The following CD6 variants were observed in gnomAD, a reference collection of about 807,000 sequenced individuals.
CD6 encodes the protein T-cell differentiation antigen CD6.
In CD6, 53 loss-of-function variants were observed where a neutral mutation model predicts 75.3. That is an observed-to-expected ratio of 0.70 (90% CI 0.56 to 0.88). The LOEUF (loss-of-function observed/expected upper bound fraction) is 0.88. Ranked by LOEUF, CD6 falls within the 40% of genes least tolerant of loss-of-function variation. The pLI is 0.00. For synonymous variants in CD6, 359 were observed against 381.5 expected (o/e 0.94, Z 0.69); for missense variants, 770 against 897.1 (o/e 0.86, Z 1.81).
intron 1 of CD6, among the ~76,000 whole-genome samples, chr11:60,996,158 T>G (rs1307311722): frequency 6.6e-6 from 1 of 152,204 alleles, no homozygotes; most frequent in Non-Finnish European, 1.5e-5. Flanking sequence ...GTGCCTCAGT[T>G]TCCCCATCTC....
At chr11:60,988,407 G>A (rs1334537134) in intron 1 of CD6, among the ~76,000 whole-genome samples, 5 of 152,328 alleles carry the variant, frequency 3.3e-5, no homozygotes, top group African/African-American at 1.2e-4. Flanking sequence ...ACGCAAGGTG[G>A]CCACAAAGCA....
At chr11:61,011,490 G>C (rs75310003) in intron 6 of CD6, among the ~76,000 whole-genome samples, 2,137 of 152,258 alleles carry the variant, frequency 0.014, 20 homozygotes, top group Non-Finnish European at 0.024. Flanking sequence ...GGTGATCTTG[G>C]CCCAGCTGGG....
At chr11:60,999,445 G>A (rs972180322) in intron 1 of CD6, among the ~76,000 whole-genome samples, 24 of 151,102 alleles carry the variant, frequency 1.6e-4, no homozygotes, top group Admixed American at 1.5e-3. Flanking sequence ...GATTGTACTC[G>A]GGCTCTCTGT....
At position 61,018,387 on chromosome 11, in the gene CD6, T is replaced by C. The variant is rs112447242; in HGVS notation, c.1936T>C (p.Cys646Arg). The C allele has an allele frequency of 2.5e-6, 4 of 1,590,482 alleles. No individual in the cohort carries two copies. The highest frequency in any genetic ancestry group is 1.3e-5 in the African/African-American group (1 of 74,218). ...GCCCCCTTCGGAGGAGCAGTTTGGC[T>C]GTCCAGGTGCCAATATCTGGGGAAG... ...PQPPSEEQFG[C>R]PGSPSPQPDS... is the part of the protein sequence containing the mutation. The change falls in exon 12 of 13, where the codon TGT becomes CGT. Residue 646 changes from cysteine (C) to arginine (R), a missense_variant. Transcript: ENST00000313421.
chr11:61,019,901 C>A lies in CD6; in HGVS notation c.*583C>A. On this transcript the variant is annotated 3_prime_UTR_variant, in exon 13 of 13. Coordinates refer to ENST00000313421, the MANE Select transcript of CD6 (RefSeq NM_006725.5). Reference sequence around the variant, plus strand: ...AACTGCACTTGGGCAGGGAATATAGCCTTCCTGGGCACAACTAGCTGACAA... The same window carrying A: ...AACTGCACTTGGGCAGGGAATATAGACTTCCTGGGCACAACTAGCTGACAA... 1 of 372,584 alleles carries A rather than the reference C, an allele frequency of 2.7e-6. No individual in the cohort carries two copies. Among genetic ancestry groups the A allele is most frequent in the Non-Finnish European group, 4.8e-6 (1 of 210,246 alleles). 23.1% of individuals were successfully genotyped at this position (372,584 alleles called of 1,614,324 possible).
intron 6 of CD6, among the ~76,000 whole-genome samples, chr11:61,013,202 G>A (rs1859231587): frequency 6.6e-6 from 1 of 152,166 alleles, no homozygotes; most frequent in African/African-American, 2.4e-5. Flanking sequence ...TTCTATTTCA[G>A]GCAGTAATTC....
chr11:61,017,453 CT>C, intron 9 of CD6, 25 bp from the exon 10 acceptor site: 1 of 1,536,030 alleles, frequency 6.5e-7, no homozygotes, highest in South Asian at 1.2e-5. Flanking sequence ...GCCTTCACCC[CT>C]CCCCACCACC....
Position 61,007,530 on chromosome 11 carries a change from G to C in CD6, c.119-30G>C. ...GGCAACCCTCTGCCCAGGCCCCACC[G>C]GTCTCAGCTCTCTGGTCTGACACTT... is the stretch of plus-strand genomic sequence containing the variant. On this transcript the variant is annotated intron_variant, in intron 2 of 12. Coordinates refer to ENST00000313421, the MANE Select transcript of CD6 (RefSeq NM_006725.5). This position sits in a 1 kb window ranked among gnomAD's most constrained non-coding sequence, Gnocchi z 4.2. 7.0e-7 allele frequency: 1 copy of C among 1,423,458 alleles called. No individual in the cohort carries two copies. The highest frequency in any genetic ancestry group is 3.0e-5 in the East Asian group (1 of 33,090). The allele number at this position is 1,423,458 out of a possible 1,614,324, so 88.2% of individuals were successfully genotyped here. A position where few individuals can be genotyped will look rare whatever the true frequency, so the allele number is the denominator to read the frequency against.
rs7121612 is a variant in CD6, at chr11:60,982,068, C to T, written c.49+10154C>T. 2.3e-3 allele frequency among the ~76,000 whole-genome samples: 156 copies of T among 67,698 alleles called. 2 individuals carry two copies. Among genetic ancestry groups the T allele is most frequent in the Non-Finnish European group, 3.3e-3 (119 of 35,954 alleles). The allele number at this position is 67,698 out of a possible 152,430, so 44.4% of individuals were successfully genotyped here. ...GAGGTGCCAGCAGATGCCAGGGTGGCGGGGGGGGGGGTTCTGTGCATGGGG... is the reference window on the plus strand; with the variant it reads ...GAGGTGCCAGCAGATGCCAGGGTGGTGGGGGGGGGGGTTCTGTGCATGGGG... On this transcript the variant is annotated intron_variant, in intron 1 of 12. Transcript: ENST00000313421.
intron 5 of CD6, among the ~76,000 whole-genome samples, chr11:61,010,701 A>G (rs1020750806): frequency 1.3e-5 from 2 of 152,162 alleles, no homozygotes; most frequent in African/African-American, 4.8e-5. Flanking sequence ...TACCTGCCCA[A>G]CGGGAATGCC....
At chr11:60,991,815 A>G (rs879460022) in intron 1 of CD6, among the ~76,000 whole-genome samples, 1 of 150,636 alleles carries the variant, frequency 6.6e-6, no homozygotes, top group Admixed American at 6.6e-5. Context: ...AATTACAAGC[A>G]TGTGTCCAGC....
At chr11:60,976,536 C>T (rs890163133) in intron 1 of CD6, among the ~76,000 whole-genome samples, 1 of 152,170 alleles carries the variant, frequency 6.6e-6, no homozygotes, top group South Asian at 2.1e-4. Context: ...TTAATCATCT[C>T]TATTTTCTAA....
intron 1 of CD6, among the ~76,000 whole-genome samples, chr11:60,996,143 G>T (rs1301839775): frequency 6.6e-6 from 1 of 152,138 alleles, no homozygotes; most frequent in Non-Finnish European, 1.5e-5. Context: ...ATACTAAACC[G>T]CTCTGTGCCT....
intron 1 of CD6, among the ~76,000 whole-genome samples, chr11:60,994,465 A>AAAAAAAAAAAAC (rs1554993198): frequency 1.4e-5 from 2 of 138,276 alleles, no homozygotes; most frequent in Non-Finnish European, 3.2e-5. Flanking sequence ...GCCAAAAAAA[A>AAAAAAAAAAAAC]AAAAAAGCTG....
At chr11:61,015,523 A>G (rs1457905959) in intron 8 of CD6, 190 bp from the exon 9 acceptor site, 1 of 639,346 alleles carries the variant, frequency 1.6e-6, no homozygotes, top group Admixed American at 2.9e-5. Flanking sequence ...GTGAGCTGTG[A>G]TGGCACCACT....
In CD6 at chr11:60,984,644, A is replaced by G. The variant is rs959391666; in HGVS notation, c.49+12730A>G. Among the ~76,000 whole-genome samples, 6 of 152,370 alleles carry G rather than the reference A, an allele frequency of 3.9e-5. No homozygotes were observed. In the South Asian group the frequency reaches 8.3e-4, roughly 21 times the overall value. ...AAAAACATAAACACATTTTTAAAAT[A>G]GTATCATTTCAGAGAGGGATATGTG... On this transcript the variant is annotated intron_variant, in intron 1 of 12. Transcript: ENST00000313421.
At chr11:61,016,228 A>AC (rs1399221542) in intron 9 of CD6, among the ~76,000 whole-genome samples, 1 of 151,720 alleles carries the variant, frequency 6.6e-6, no homozygotes, top group East Asian at 1.9e-4. Flanking sequence ...GCCCTGTCTG[A>AC]CCCCATCAGC....
intron 12 of CD6, 111 bp downstream of exon 12, chr11:61,018,504 G>GGAAAAGGAGAAAGGAAGGC: frequency 1.2e-6 from 1 of 851,830 alleles, no homozygotes; most frequent in Non-Finnish European, 1.8e-6. Context: ...GAAAGGAAGG[G>GGAAAAGGAGAAAGGAAGGC]TAAAAGAAGA....
In CD6 at chr11:61,008,341, G is replaced by T. The variant is rs531306321; in HGVS notation, c.470-193G>T. 2.9e-5 allele frequency: 17 copies of T among 585,960 alleles called. No individual in the cohort carries two copies. In the East Asian group the frequency reaches 4.6e-4, roughly 16 times the overall value. 36.3% of individuals were successfully genotyped at this position (585,960 alleles called of 1,614,324 possible). A position where few individuals can be genotyped will look rare whatever the true frequency, so the allele number is the denominator to read the frequency against. On this transcript the variant is annotated intron_variant, in intron 3 of 12. Coordinates refer to ENST00000313421, the MANE Select transcript of CD6 (RefSeq NM_006725.5). Reference sequence around the variant, plus strand: ...CCAGGCCCCGCCCACCAGGTCTCTGGTCCCTCCCACCAGCCTGCGGCTCTA... The same window carrying T: ...CCAGGCCCCGCCCACCAGGTCTCTGTTCCCTCCCACCAGCCTGCGGCTCTA...
Sources: gnomAD v4.1 joint callset for allele counts (sites outside exome capture counted in the v4.1 genomes callset) on GRCh38, gnomAD v4.1.1 for gene constraint, Gnocchi (gnomAD v3.1) non-coding constraint, MANE v1.5 for transcripts, NCBI Gene and HGNC (gene_info 2026-07-23, HGNC 2026-07-21) for gene names.